The following SSH2 variants were observed in gnomAD, a reference collection of about 807,000 sequenced individuals.
SSH2 encodes the protein protein phosphatase Slingshot homolog 2.
In SSH2, 37 loss-of-function variants were observed where a neutral mutation model predicts 135.2. The ratio of observed to expected loss-of-function variants is 0.27; its 90% CI spans 0.21 to 0.36. The LOEUF is 0.36. SSH2 is among the 10% of genes least tolerant of loss of function. The pLI, the probability that SSH2 is intolerant of heterozygous loss-of-function variation, is 1.00. For synonymous variants in SSH2, 628 were observed against 646.2 expected (o/e 0.97, Z 0.43); for missense variants, 1,408 against 1,765.3 (o/e 0.80, Z 3.63).
intron 2 of SSH2, among the ~76,000 whole-genome samples, chr17:29,831,616 T>C (rs1449100898): frequency 6.6e-6 from 1 of 151,790 alleles, no homozygotes; most frequent in Non-Finnish European, 1.5e-5. Context: ...TTGCTCTTGT[T>C]GCTCAAGTGC....
chr17:29,680,550 TCAAAAAA>T (rs2037930812), intron 6 of SSH2, among the ~76,000 whole-genome samples: 1 of 3,468 alleles, frequency 2.9e-4, no homozygotes, highest in East Asian at 5.9e-3. Context: ...AGACTCCCTC[TCAAAAAA>T]AAAAAAAAAA....
At chr17:29,803,000 C>T (rs978160175) in intron 2 of SSH2, among the ~76,000 whole-genome samples, 22 of 151,904 alleles carry the variant, frequency 1.4e-4, no homozygotes, top group Admixed American at 8.5e-4. Context: ...ATATGTGCTT[C>T]GAAACTGGAA....
At chr17:29,696,496 C>A (rs907963382) in intron 4 of SSH2, among the ~76,000 whole-genome samples, 1 of 144,932 alleles carries the variant, frequency 6.9e-6, no homozygotes, top group Admixed American at 6.9e-5. Flanking sequence ...GGCGACAGAG[C>A]GAGACTCCAT....
chr17:29,907,454 C>T (rs1051701197), intron 1 of SSH2, among the ~76,000 whole-genome samples: 4 of 152,124 alleles, frequency 2.6e-5, no homozygotes, highest in East Asian at 1.9e-4. Context: ...CATCATGGTA[C>T]ATGTTTACTT....
intron 2 of SSH2, among the ~76,000 whole-genome samples, chr17:29,818,249 C>CTTTTTTTTT (rs1230051948): frequency 7.5e-6 from 1 of 134,034 alleles, no homozygotes. Flanking sequence ...GGTATTCTTC[C>CTTTTTTTTT]TTTTTTTTTT....
At chr17:29,738,838 G>C (rs763945031) in intron 3 of SSH2, among the ~76,000 whole-genome samples, 5 of 152,148 alleles carry the variant, frequency 3.3e-5, no homozygotes, top group Non-Finnish European at 5.9e-5. Context: ...ACAGGCGTGA[G>C]CCACCACGCC....
chr17:29,682,090 A>T (rs901158464), intron 6 of SSH2, among the ~76,000 whole-genome samples: 4 of 152,262 alleles, frequency 2.6e-5, no homozygotes, highest in African/African-American at 9.6e-5. Context: ...GATGTAATTT[A>T]CTGAGTATAA....
At chr17:29,705,949 C>T (rs1245061219) in intron 3 of SSH2, among the ~76,000 whole-genome samples, 1 of 152,060 alleles carries the variant, frequency 6.6e-6, no homozygotes, top group Non-Finnish European at 1.5e-5. Context: ...GGTTACCTTC[C>T]TATAGTAGAA....
chr17:29,813,897 C>T (rs768534761), intron 2 of SSH2, among the ~76,000 whole-genome samples: 3 of 150,850 alleles, frequency 2.0e-5, no homozygotes, highest in African/African-American at 4.9e-5. Flanking sequence ...TTTGGGAGGC[C>T]GAGGAGGGCG....
intron 3 of SSH2, among the ~76,000 whole-genome samples, chr17:29,729,932 A>C (rs1029012190): frequency 6.6e-6 from 1 of 152,142 alleles, no homozygotes; most frequent in Non-Finnish European, 1.5e-5. Context: ...TAATGGGTAC[A>C]AAAATATAGT....
intron 3 of SSH2, among the ~76,000 whole-genome samples, chr17:29,750,626 G>A (rs2040904446): frequency 6.6e-6 from 1 of 151,500 alleles, no homozygotes; most frequent in South Asian, 2.1e-4. Context: ...GGGTTCAAGT[G>A]ATCCTCCTGC....
chr17:29,631,386 C>G lies in SSH2; in HGVS notation c.3808G>C (p.Val1270Leu). ...ERAKEIESRVVFQAGLTKPSQ... is the reference protein window; with the variant it reads ...ERAKEIESRVLFQAGLTKPSQ... ...GGTTTGGTGAGCCCTGCCTGGAAAA[C>G]CACTCGAGACTCGATTTCTTTAGCA... The change falls in exon 16 of 16, where the codon GTT becomes CTT. Residue 1270 changes from valine to leucine, a missense_variant. Around this residue, in one of 3 missense-constraint regions of SSH2, gnomAD observed 1,080 missense variants for 1,144.5 expected, o/e 0.94. Coordinates refer to ENST00000540801, the MANE Select transcript of SSH2 (RefSeq NM_001282129.2). 5 of 1,614,138 alleles carry G rather than the reference C, an allele frequency of 3.1e-6. No individual in the cohort carries two copies. Among genetic ancestry groups the G allele is most frequent in the Non-Finnish European group, 4.2e-6 (5 of 1,180,016 alleles).
rs2041059229 is a variant in SSH2 at position 29,754,719 on chromosome 17, T to A, written c.188+39175A>T. Among the ~76,000 whole-genome samples the A allele has an allele frequency of 2.0e-5, 3 of 152,158 alleles. No individual in the cohort carries two copies. The South Asian group carries it at 6.2e-4, about 32-fold the overall frequency. ...TTTTGCTCTGTTGCCCAGGCTGAAG[T>A]GAAGTGGCACCATCTCGGCTCACTG... On this transcript the variant is annotated intron_variant, in intron 3 of 15. Transcript: ENST00000540801.
intron 3 of SSH2, among the ~76,000 whole-genome samples, chr17:29,704,660 G>A (rs191156680): frequency 7.3e-4 from 106 of 145,154 alleles, no homozygotes; most frequent in African/African-American, 2.6e-3. Context: ...TTATGATGGC[G>A]CCATTGTACT....
intron 13 of SSH2, 111 bp from the exon 14 acceptor site, chr17:29,648,455 G>T: frequency 1.2e-6 from 1 of 838,386 alleles, no homozygotes; most frequent in East Asian, 2.7e-5. Context: ...CCATTTTCTT[G>T]CTATGCAATC....
chr17:29,853,273 G>T (rs1185677613), intron 1 of SSH2, among the ~76,000 whole-genome samples: 2 of 151,602 alleles, frequency 1.3e-5, no homozygotes, highest in South Asian at 2.1e-4. Context: ...TTTTAGTAGA[G>T]ACAGGGTTTC....
chr17:29,755,027 T>C (rs1407079540), intron 3 of SSH2, among the ~76,000 whole-genome samples: 1 of 152,218 alleles, frequency 6.6e-6, no homozygotes, highest in African/African-American at 2.4e-5. Flanking sequence ...CTGAGCTTCT[T>C]AGGACACAAA....
chr17:29,797,954 A>G (rs2042186396), intron 2 of SSH2, among the ~76,000 whole-genome samples: 1 of 152,108 alleles, frequency 6.6e-6, no homozygotes, highest in South Asian at 2.1e-4. Context: ...GGGGATTGAC[A>G]TAAGTTTTTA....
intron 3 of SSH2, among the ~76,000 whole-genome samples, chr17:29,762,130 C>T (rs2041337195): frequency 6.6e-6 from 1 of 152,124 alleles, no homozygotes; most frequent in African/African-American, 2.4e-5. Context: ...ATCCGCCCGT[C>T]TCGGCCTCCC....
Sources: allele counts gnomAD v4.1 joint callset (sites outside exome capture counted in the v4.1 genomes callset), GRCh38; gene constraint gnomAD v4.1.1; regional missense constraint gnomAD v4.1.1; transcripts MANE v1.5; gene names NCBI Gene and HGNC (gene_info 2026-07-23, HGNC 2026-07-21).